The following KCTD16 variants were observed in gnomAD, a reference collection of about 807,000 sequenced individuals.
KCTD16 encodes BTB/POZ domain-containing protein KCTD16.
KCTD16 carries 13 observed loss-of-function variants against 33.2 expected under a neutral mutation model. The observed-to-expected ratio is 0.39, with a 90% CI of 0.25 to 0.62. The LOEUF (loss-of-function observed/expected upper bound fraction) is 0.62. Among genes scored for constraint, KCTD16 ranks in the 20% least tolerant of loss-of-function variants. KCTD16 has a pLI of 0.50. For missense variants in KCTD16, 441 were observed against 525.1 expected (o/e 0.84, Z 1.57); for synonymous variants, 197 against 195.3 (o/e 1.01, Z -0.07).
intron 3 of KCTD16, among the ~76,000 whole-genome samples, chr5:144,244,617 A>C (rs1454123621): frequency 6.6e-6 from 1 of 152,220 alleles, no homozygotes; most frequent in Non-Finnish European, 1.5e-5. Context: ...TATTAACAAA[A>C]TAACCTCTTT....
chr5:144,298,012 G>A (rs1436332001), intron 3 of KCTD16, among the ~76,000 whole-genome samples: 1 of 152,188 alleles, frequency 6.6e-6, no homozygotes, highest in Non-Finnish European at 1.5e-5. Flanking sequence ...GGTGTCCGCT[G>A]TGCTCCTGAT....
chr5:144,376,071 C>T (rs996879854), intron 3 of KCTD16, among the ~76,000 whole-genome samples: 47 of 152,044 alleles, frequency 3.1e-4, no homozygotes, highest in African/African-American at 9.9e-4. Flanking sequence ...GTGATTGGTC[C>T]GCCTCGACCT....
At chr5:144,344,532 A>C (rs1752733558) in intron 3 of KCTD16, among the ~76,000 whole-genome samples, 1 of 151,868 alleles carries the variant, frequency 6.6e-6, no homozygotes, top group African/African-American at 2.4e-5. Flanking sequence ...ACCCCATCAA[A>C]AAGTGGGCAA....
intron 3 of KCTD16, among the ~76,000 whole-genome samples, chr5:144,217,124 G>A (rs1486662798): frequency 1.3e-5 from 2 of 152,202 alleles, no homozygotes; most frequent in Non-Finnish European, 2.9e-5. Context: ...GAGTTCTGAA[G>A]CTACCCCAAA....
At position 144,482,357 on chromosome 5, in the gene KCTD16, T is replaced by C. The variant is rs1440940279; in HGVS notation, c.*8243T>C. 6.6e-6 allele frequency: 1 copy of C among 151,928 alleles called. No individual in the cohort carries two copies. The highest frequency in any genetic ancestry group is 2.4e-5 in the African/African-American group (1 of 41,404). The allele number at this position is 151,928 out of a possible 1,614,324, so 9.4% of individuals were successfully genotyped here. On this transcript the variant is annotated 3_prime_UTR_variant, in exon 4 of 4. Transcript: ENST00000512467. ...AAGTATCTGGTGAGTACTGATACCC[T>C]AAGAAACTCACCGTGATAAGCTAGC... is the stretch of plus-strand genomic sequence containing the variant.
At chr5:144,409,809 C>T (rs576861196) in intron 3 of KCTD16, among the ~76,000 whole-genome samples, 99 of 151,994 alleles carry the variant, frequency 6.5e-4, no homozygotes, top group African/African-American at 2.3e-3. Flanking sequence ...GAGACCGAAA[C>T]TCTGTCTCAA....
intron 3 of KCTD16, among the ~76,000 whole-genome samples, chr5:144,470,561 T>C (rs1754446532): frequency 6.6e-6 from 1 of 152,286 alleles, no homozygotes; most frequent in East Asian, 1.9e-4. Flanking sequence ...ATCTCATAAA[T>C]TATCTTGCCA....
At chr5:144,463,278 A>C (rs1580983825) in intron 3 of KCTD16, among the ~76,000 whole-genome samples, 2 of 152,332 alleles carry the variant, frequency 1.3e-5, no homozygotes, top group South Asian at 2.1e-4. Flanking sequence ...CTATTGAAAA[A>C]AAGCAGAAGA....
rs577436434 is a variant in KCTD16, at chr5:144,375,864, G to T, written c.833-97796G>T. Among the ~76,000 whole-genome samples, 10 of 152,008 alleles carry T rather than the reference G, an allele frequency of 6.6e-5. No homozygotes were observed. The East Asian group carries it at 1.6e-3, about 24-fold the overall frequency. ...CTCGCTCTGTTGCCCAGGCTGGAGT[G>T]CAGTGGTGTGATCTCAGCTCACTGC... On this transcript the variant is annotated intron_variant, in intron 3 of 3. Transcript: ENST00000512467.
chr5:144,293,706 A>G (rs1755958248), intron 3 of KCTD16, among the ~76,000 whole-genome samples: 1 of 152,236 alleles, frequency 6.6e-6, no homozygotes. Flanking sequence ...ACTAACCACA[A>G]AAGCATAGTT....
At chr5:144,341,070 A>C (rs1752628550) in intron 3 of KCTD16, among the ~76,000 whole-genome samples, 1 of 152,080 alleles carries the variant, frequency 6.6e-6, no homozygotes, top group Admixed American at 6.6e-5. Context: ...AAAAACAAAA[A>C]ACAAAAAAAC....
intron 3 of KCTD16, among the ~76,000 whole-genome samples, chr5:144,328,914 C>A (rs1752281714): frequency 6.6e-6 from 1 of 150,500 alleles, no homozygotes; most frequent in African/African-American, 2.5e-5. Context: ...TTCATTGATG[C>A]CAATCGTTCT....
At chr5:144,182,863 T>C (rs1158755160) in intron 2 of KCTD16, among the ~76,000 whole-genome samples, 1 of 152,198 alleles carries the variant, frequency 6.6e-6, no homozygotes, top group Non-Finnish European at 1.5e-5. Flanking sequence ...CTTTCTTCAC[T>C]CCCAGTTATG....
At chr5:144,447,880 C>A (rs1753856515) in intron 3 of KCTD16, among the ~76,000 whole-genome samples, 1 of 152,012 alleles carries the variant, frequency 6.6e-6, no homozygotes, top group Non-Finnish European at 1.5e-5. Context: ...AACTAGTGTG[C>A]TTTTATCAAT....
intron 2 of KCTD16, among the ~76,000 whole-genome samples, chr5:144,187,253 C>T (rs1752746388): frequency 6.6e-6 from 1 of 152,150 alleles, no homozygotes; most frequent in Non-Finnish European, 1.5e-5. Flanking sequence ...ATGCATTGTA[C>T]TGGCTCATTA....
intron 3 of KCTD16, among the ~76,000 whole-genome samples, chr5:144,330,053 A>G (rs956929888): frequency 1.3e-5 from 2 of 152,134 alleles, no homozygotes; most frequent in Non-Finnish European, 1.5e-5. Context: ...TAAAGTCACA[A>G]TTTGTAAGAT....
chr5:144,438,941 A>G (rs1369199315), intron 3 of KCTD16, among the ~76,000 whole-genome samples: 1 of 152,066 alleles, frequency 6.6e-6, no homozygotes, highest in Non-Finnish European at 1.5e-5. Flanking sequence ...TTAGACACCA[A>G]ATTCTATTAA....
At chr5:144,196,004 T>G (rs1464335271) in intron 2 of KCTD16, among the ~76,000 whole-genome samples, 1 of 152,234 alleles carries the variant, frequency 6.6e-6, no homozygotes, top group Non-Finnish European at 1.5e-5. Flanking sequence ...ATAAGCTTAG[T>G]GAAGGTAACA....
intron 3 of KCTD16, among the ~76,000 whole-genome samples, chr5:144,225,565 T>C (rs1753906301): frequency 6.6e-6 from 1 of 150,972 alleles, no homozygotes; most frequent in Admixed American, 6.6e-5. Context: ...TGTGTGTGTG[T>C]GTGTGTGTGT....
Sources: gnomAD v4.1 joint callset for allele counts (sites outside exome capture counted in the v4.1 genomes callset) on GRCh38, gnomAD v4.1.1 for gene constraint, MANE v1.5 for transcripts, NCBI Gene and HGNC (gene_info 2026-07-23, HGNC 2026-07-21) for gene names.